The following UBR3 variants were observed in gnomAD, a reference collection of about 807,000 sequenced individuals.
UBR3 encodes the protein ubiquitin protein ligase E3 component n-recognin 3.
Under a neutral mutation model 243.2 loss-of-function variants are expected in UBR3, and 85 were observed. The ratio of observed to expected loss-of-function variants is 0.35; its 90% CI spans 0.29 to 0.42. The LOEUF (loss-of-function observed/expected upper bound fraction) is 0.42. Ranked by LOEUF, UBR3 falls within the 10% of genes least tolerant of loss-of-function variation. The pLI, the probability that UBR3 is intolerant of heterozygous loss-of-function variation, is 1.00. For synonymous variants in UBR3, 748 were observed against 799.8 expected (o/e 0.94, Z 1.09); for missense variants, 1,686 against 2,300.8 (o/e 0.73, Z 5.47).
In UBR3 at chr2:170,054,475, G is replaced by T. The variant is rs192296250; in HGVS notation, c.4661-985G>T. On this transcript the variant is annotated intron_variant, in intron 32 of 38. Transcript: ENST00000272793. Reference sequence around the variant, plus strand: ...TTTTTGTATTTTTTAGTAGAGACAGGGTTTCACTATGTTGGCCAGGCTGGT... The same window carrying T: ...TTTTTGTATTTTTTAGTAGAGACAGTGTTTCACTATGTTGGCCAGGCTGGT... Among the ~76,000 whole-genome samples the T allele has an allele frequency of 2.3e-3, 349 of 152,086 alleles. 2 individuals carry two copies. Among genetic ancestry groups the T allele is most frequent in the African/African-American group, 8.2e-3 (339 of 41,502 alleles).
intron 24 of UBR3, among the ~76,000 whole-genome samples, chr2:169,959,339 A>G (rs2087457666): frequency 6.6e-6 from 1 of 151,218 alleles, no homozygotes; most frequent in Non-Finnish European, 1.5e-5. Flanking sequence ...CAGAAAGAAT[A>G]CAGATTGAGC....
At chr2:169,919,554 G>A (rs879465490) in intron 11 of UBR3, among the ~76,000 whole-genome samples, 64 of 152,260 alleles carry the variant, frequency 4.2e-4, no homozygotes, top group Middle Eastern at 3.4e-3. Flanking sequence ...AATTTTTGCA[G>A]TCTACTCATC....
At chr2:169,829,446 G>A (rs13387564) in intron 1 of UBR3, among the ~76,000 whole-genome samples, 25,888 of 134,976 alleles carry the variant, frequency 0.19, 2,568 homozygotes, top group East Asian at 0.38. Context: ...TTTTTGAGAC[G>A]GAGTTTCTCT....
chr2:169,837,029 T>G (rs1450529685), intron 1 of UBR3, among the ~76,000 whole-genome samples: 1 of 140,636 alleles, frequency 7.1e-6, no homozygotes, highest in East Asian at 1.9e-4. Flanking sequence ...GTTAAAGAAA[T>G]CTTCTTCACC....
chr2:169,944,255 A>G (rs1449710068), intron 20 of UBR3, among the ~76,000 whole-genome samples: 1 of 152,132 alleles, frequency 6.6e-6, no homozygotes, highest in Non-Finnish European at 1.5e-5. Context: ...TTCTGTTATT[A>G]TTCTCCTTTT....
rs573129339 is a variant in UBR3, at chr2:169,879,026, A to AT, written c.1038+461dup. 8.4e-4 allele frequency among the ~76,000 whole-genome samples: 127 copies of AT among 151,504 alleles called. 1 individual carries two copies. The highest frequency in any genetic ancestry group is 1.5e-3 in the Non-Finnish European group (102 of 67,790). On this transcript the variant is annotated intron_variant, in intron 5 of 38. Transcript: ENST00000272793. Reference sequence around the variant, plus strand: ...TAAAGTTACATTTTACATGTCAGGGATTTTTTTTTAAAACTATGTACTGGG... The same window carrying AT: ...TAAAGTTACATTTTACATGTCAGGGATTTTTTTTTTAAAACTATGTACTGGG...
chr2:169,998,591 A>ACT (rs1489473162), intron 26 of UBR3, among the ~76,000 whole-genome samples: 4 of 152,176 alleles, frequency 2.6e-5, no homozygotes, highest in Non-Finnish European at 5.9e-5. Context: ...TTCCTGAATT[A>ACT]CTCTAAACAT....
chr2:169,929,244 C>T (rs1328383730), intron 18 of UBR3, among the ~76,000 whole-genome samples: 1 of 152,074 alleles, frequency 6.6e-6, no homozygotes, highest in East Asian at 1.9e-4. Flanking sequence ...CAAAAGAATC[C>T]TCACGACCCA....
chr2:170,024,876 G>A (rs1469006001), intron 30 of UBR3, among the ~76,000 whole-genome samples: 1 of 152,132 alleles, frequency 6.6e-6, no homozygotes, highest in Non-Finnish European at 1.5e-5. Context: ...TTTATCCCAG[G>A]TGAGTTGTCG....
intron 6 of UBR3, among the ~76,000 whole-genome samples, chr2:169,891,676 G>A (rs114043370): frequency 0.027 from 4,077 of 151,070 alleles, 79 homozygotes; most frequent in Non-Finnish European, 0.041. Flanking sequence ...CGTCATAAAG[G>A]CTCAGTAGGG....
chr2:169,876,564 T>TTGTATTGTATTGTATTGTAG (rs2083623256), intron 3 of UBR3, among the ~76,000 whole-genome samples: 1 of 151,576 alleles, frequency 6.6e-6, no homozygotes. Context: ...TTGTATTGTA[T>TTGTATTGTATTGTATTGTAG]TGTATTTTTT....
chr2:169,827,924 G>T lies in UBR3; in HGVS notation c.417G>T (p.Ser139=), dbSNP rs930347958. ...VAYRCRTCGI[S]PCMSLCAECF... is the part of the protein sequence containing the mutation. ...ACCGCTGCCGGACGTGCGGCATCTC[G>T]CCCTGCATGTCGCTGTGCGCCGAGT... The change falls in exon 1 of 39, where the codon TCG becomes TCT. Residue 139 remains serine (S), a synonymous_variant. Coordinates refer to ENST00000272793, the MANE Select transcript of UBR3 (RefSeq NM_172070.4). The T allele has an allele frequency of 8.0e-6, 12 of 1,508,092 alleles. No individual in the cohort carries two copies. Among genetic ancestry groups the T allele is most frequent in the Non-Finnish European group, 1.1e-5 (12 of 1,130,858 alleles). The allele number at this position is 1,508,092 out of a possible 1,614,324, so 93.4% of individuals were successfully genotyped here.
intron 7 of UBR3, 35 bp downstream of exon 7, chr2:169,895,346 C>G (rs1024096141): frequency 5.2e-5 from 79 of 1,510,942 alleles, no homozygotes; most frequent in Non-Finnish European, 6.8e-5. Flanking sequence ...CTGAACTTAG[C>G]TTTTCTTTCT....
chr2:169,924,116 T>G lies in UBR3; in HGVS notation c.1965T>G (p.Ser655=), dbSNP rs1349504681. The G allele has an allele frequency of 6.5e-7, 1 of 1,548,396 alleles. No homozygotes were observed. Among genetic ancestry groups the G allele is most frequent in the Non-Finnish European group, 8.7e-7 (1 of 1,146,082 alleles). The change falls in exon 13 of 39, where the codon TCT becomes TCG. Residue 655 remains serine, a synonymous_variant. Coordinates refer to ENST00000272793, the MANE Select transcript of UBR3 (RefSeq NM_172070.4). The stretch of plus-strand genomic sequence containing the variant: ...AATGTCAAGAACTAGATTTGGATTC[T>G]GTTTTACCAGATCAGGAAATGTTAA... ...AVKCQELDLD[S]VLPDQEMLMK... is the part of the protein sequence containing the mutation.
At chr2:169,907,836 A>T (rs1219997030) in intron 10 of UBR3, among the ~76,000 whole-genome samples, 1 of 151,792 alleles carries the variant, frequency 6.6e-6, no homozygotes, top group Non-Finnish European at 1.5e-5. Flanking sequence ...CTGGAGTGCG[A>T]ACTCAGCTCA....
intron 32 of UBR3, among the ~76,000 whole-genome samples, chr2:170,055,196 G>A (rs1381930290): frequency 1.3e-5 from 2 of 152,042 alleles, no homozygotes; most frequent in Non-Finnish European, 2.9e-5. Context: ...ACTGTTGGGC[G>A]GGGCAGATTA....
At chr2:169,918,537 G>C (rs888513811) in intron 11 of UBR3, among the ~76,000 whole-genome samples, 2 of 150,790 alleles carry the variant, frequency 1.3e-5, no homozygotes, top group Non-Finnish European at 2.9e-5. Context: ...GCCCAGGCTG[G>C]TCTTGAACAC....
chr2:170,061,494 GTC>G lies in UBR3; in HGVS notation c.5019+59_5019+60del, dbSNP rs1483803274. 3.1e-6 allele frequency: 5 copies of G among 1,590,974 alleles called. No individual in the cohort carries two copies. The African/African-American group carries it at 4.1e-5, about 13-fold the overall frequency. On this transcript the variant is annotated intron_variant, in intron 35 of 38. Transcript: ENST00000272793. ...GGAGCTTTTTTTTTTTTCAGATGGA[GTC>G]TCTCTCTGTTGCCCAGACTGGAGTG...
chr2:170,069,816 T>C (rs1407272594), intron 35 of UBR3, among the ~76,000 whole-genome samples: 2 of 152,032 alleles, frequency 1.3e-5, no homozygotes, highest in East Asian at 1.9e-4. Flanking sequence ...AGGGGATTTG[T>C]TCCCCCCCCA....
Sources: allele counts gnomAD v4.1 joint callset (sites outside exome capture counted in the v4.1 genomes callset), GRCh38; gene constraint gnomAD v4.1.1; transcripts MANE v1.5; gene names NCBI Gene and HGNC (gene_info 2026-07-23, HGNC 2026-07-21).